PLEKHG4B: variants seen among roughly 807,000 people sequenced by gnomAD.
The protein encoded by PLEKHG4B is pleckstrin homology domain-containing family G member 4B.
Under a neutral mutation model 121.3 loss-of-function variants are expected in PLEKHG4B, and 111 were observed. The observed-to-expected ratio is 0.92, with a 90% CI of 0.78 to 1.07. The LOEUF is 1.07. PLEKHG4B is among the 50% of genes least tolerant of loss of function. The pLI is 0.00. For synonymous variants in PLEKHG4B, 738 were observed against 725.0 expected (o/e 1.02, Z -0.29); for missense variants, 1,831 against 1,757.8 (o/e 1.04, Z -0.74).
At chr5:141,827 A>G (rs1215366568) in intron 3 of PLEKHG4B, among the ~76,000 whole-genome samples, 1 of 150,518 alleles carries the variant, frequency 6.6e-6, no homozygotes, top group Non-Finnish European at 1.5e-5. Context: ...AAGTAGGGCC[A>G]CCCAACCTCG....
At chr5:155,166 G>A (rs917014902) in intron 8 of PLEKHG4B, among the ~76,000 whole-genome samples, 175 bp downstream of exon 8, 1 of 152,152 alleles carries the variant, frequency 6.6e-6, no homozygotes, top group African/African-American at 2.4e-5. Context: ...TGAGAATGCC[G>A]AGCCCGGGTG....
intron 2 of PLEKHG4B, among the ~76,000 whole-genome samples, chr5:138,375 C>T (rs1392809774): frequency 1.3e-5 from 2 of 152,182 alleles, no homozygotes; most frequent in East Asian, 3.8e-4. Context: ...AGTTGAGGAA[C>T]TTGTTTTCAC....
In PLEKHG4B at chr5:187,413, G is replaced by A. The variant is rs1183296524; in HGVS notation, c.*5090G>A. The A allele has an allele frequency of 6.6e-6, 1 of 152,538 alleles. No individual in the cohort carries two copies. Among genetic ancestry groups the A allele is most frequent in the African/African-American group, 2.4e-5 (1 of 41,430 alleles). The allele number at this position is 152,538 out of a possible 1,614,324, so 9.4% of individuals were successfully genotyped here. On this transcript the variant is annotated 3_prime_UTR_variant, in exon 20 of 20. Transcript: ENST00000637938. ...CCTCCTGGATGGCAGCAGCAGTGGAGGTTTGGGTTTTGAGGGAGCCCTAAG... is the reference window on the plus strand; with the variant it reads ...CCTCCTGGATGGCAGCAGCAGTGGAAGTTTGGGTTTTGAGGGAGCCCTAAG...
chr5:137,498 G>A lies in PLEKHG4B; in HGVS notation c.244-1985G>A, dbSNP rs548067639. 1.1e-4 allele frequency among the ~76,000 whole-genome samples: 16 copies of A among 152,192 alleles called. No individual in the cohort carries two copies. The highest frequency in any genetic ancestry group is 1.9e-4 in the East Asian group (1 of 5,178). ...CTGGGCTGTGCCACTGCCTTAACCC[G>A]GACCAGTTCCCTTCTACAGTGAAGA... is the stretch of plus-strand genomic sequence containing the variant. On this transcript the variant is annotated intron_variant, in intron 2 of 19. Coordinates refer to ENST00000637938, the MANE Select transcript of PLEKHG4B (RefSeq NM_052909.5). This position sits in a 1 kb window ranked among gnomAD's most constrained non-coding sequence, Gnocchi z 4.2.
At chr5:181,713 A>G (rs1274032733) in intron 19 of PLEKHG4B, 38 bp downstream of exon 19, 1 of 1,595,366 alleles carries the variant, frequency 6.3e-7, no homozygotes, top group East Asian at 2.2e-5. Flanking sequence ...CACCCTGCAG[A>G]GGGCACTGGG....
intron 2 of PLEKHG4B, among the ~76,000 whole-genome samples, chr5:138,164 A>T (rs1735040456): frequency 6.6e-6 from 1 of 152,202 alleles, no homozygotes; most frequent in Non-Finnish European, 1.5e-5. Flanking sequence ...ACCGGCAGCT[A>T]ATTGCTTCCC....
rs3810864 is a variant in PLEKHG4B at position 189,706 on chromosome 5, C to A, written c.*7383C>A. The A allele has an allele frequency of 0.61, 80,510 of 131,322 alleles. 23,601 individuals carry two copies. Among genetic ancestry groups the A allele is most frequent in the Non-Finnish European group, 0.69 (45,343 of 66,146 alleles). The allele number at this position is 131,322 out of a possible 1,614,324, so 8.1% of individuals were successfully genotyped here. The stretch of plus-strand genomic sequence containing the variant: ...CTCTAAAAGAAGGGAAAACAGTAAG[C>A]GAGAGGGAGGCTGCAGGGGCCCAGA... On this transcript the variant is annotated 3_prime_UTR_variant, in exon 20 of 20. Transcript: ENST00000637938.
At chr5:101,410 G>A (rs1733807255) in intron 1 of PLEKHG4B, among the ~76,000 whole-genome samples, 1 of 124,258 alleles carries the variant, frequency 8.0e-6, no homozygotes, top group South Asian at 2.4e-4. Context: ...AAGCCTGTAG[G>A]GGAGAGACTG....
At position 164,472 on chromosome 5, in the gene PLEKHG4B, CGGAGCAGAGCTCACACTAATG is replaced by C. The variant is rs1560944482; in HGVS notation, c.3476+925_3476+945del. On this transcript the variant is annotated intron_variant, in intron 13 of 19. Coordinates refer to ENST00000637938, the MANE Select transcript of PLEKHG4B (RefSeq NM_052909.5). ...GGCGGGGCTCACAGTAATGTTGTGA[CGGAGCAGAGCTCACACTAATG>C]CTCTGACAGGGGGCGGAGCTCACAC... Among the ~76,000 whole-genome samples, 10 of 121,494 alleles carry C rather than the reference CGGAGCAGAGCTCACACTAATG, an allele frequency of 8.2e-5. 1 individual carries two copies. The highest frequency in any genetic ancestry group is 1.6e-4 in the Admixed American group (2 of 12,820). 79.7% of individuals were successfully genotyped at this position (121,494 alleles called of 152,430 possible). A position where few individuals can be genotyped will look rare whatever the true frequency, so the allele number is the denominator to read the frequency against.
At chr5:173,853 T>A (rs1337551257) in intron 17 of PLEKHG4B, 65 bp from the exon 18 acceptor site, 10 of 1,556,256 alleles carry the variant, frequency 6.4e-6, no homozygotes, top group Non-Finnish European at 6.1e-6. Flanking sequence ...CTGAGGAATT[T>A]GGGTAGCCAG....
rs532686564 is a variant in PLEKHG4B at position 163,108 on chromosome 5, C to T, written c.3036C>T (p.Leu1012=). The change falls in exon 13 of 20, where the codon CTC becomes CTT. Residue 1012 remains leucine, a synonymous_variant. Transcript: ENST00000637938. Reference sequence around the variant, plus strand: ...AACCTGCGCAACCACTGTCCGGCCTCCCTGGACGAGCGCTTCTGTGTGGAC... The same window carrying T: ...AACCTGCGCAACCACTGTCCGGCCTTCCTGGACGAGCGCTTCTGTGTGGAC... ...AWEPAQPLSG[L]PGRALLCGQD... 6.4e-7 allele frequency: 1 copy of T among 1,565,020 alleles called. No individual in the cohort carries two copies. The highest frequency in any genetic ancestry group is 2.3e-5 in the East Asian group (1 of 42,874).
In PLEKHG4B at chr5:144,833, G is replaced by C; in HGVS notation, c.1818G>C (p.Glu606Asp). 1.2e-6 allele frequency: 2 copies of C among 1,613,166 alleles called. No individual in the cohort carries two copies. Among genetic ancestry groups the C allele is most frequent in the Non-Finnish European group, 1.7e-6 (2 of 1,179,706 alleles). The change falls in exon 6 of 20, where the codon GAG becomes GAC. Residue 606 changes from glutamate (E) to aspartate (D), a missense_variant. By Grantham distance (45) the Glu-to-Asp change is conservative. Coordinates refer to ENST00000637938, the MANE Select transcript of PLEKHG4B (RefSeq NM_052909.5). The part of the protein sequence containing the change: ...LLYFHSIPRK[E>D]VRDLGLVVLV... ...GCTGTCTTTCCCTCCCCAGGAAAGA[G>C]GTCCGGGACCTGGGGCTGGTTGTCC...
At chr5:162,316 T>A (rs1441820159) in intron 12 of PLEKHG4B, among the ~76,000 whole-genome samples, 2 of 151,758 alleles carry the variant, frequency 1.3e-5, no homozygotes, top group African/African-American at 4.9e-5. Context: ...CGCCGGGGAC[T>A]GCCTGCCATT....
In PLEKHG4B at chr5:188,793, G is replaced by A. The variant is rs766836398; in HGVS notation, c.*6470G>A. On this transcript the variant is annotated 3_prime_UTR_variant, in exon 20 of 20. Coordinates refer to ENST00000637938, the MANE Select transcript of PLEKHG4B (RefSeq NM_052909.5). ...AGGTGGCCTCGCAGAGGAGCCTCCC[G>A]AGCTTTGGAACCAGAGGCAGGCTCA... 1.3e-5 allele frequency: 2 copies of A among 152,236 alleles called. No individual in the cohort carries two copies. The highest frequency in any genetic ancestry group is 4.8e-5 in the African/African-American group (2 of 41,462). 9.4% of individuals were successfully genotyped at this position (152,236 alleles called of 1,614,324 possible).
In PLEKHG4B at chr5:135,683, ATATATATATATATATATATAT is replaced by A. The variant is rs1281464305; in HGVS notation, c.244-3799_244-3779del. 1.6e-3 allele frequency among the ~76,000 whole-genome samples: 26 copies of A among 16,122 alleles called. 1 individual carries two copies. The highest frequency in any genetic ancestry group is 2.5e-3 in the South Asian group (1 of 402). The allele number at this position is 16,122 out of a possible 152,430, so 10.6% of individuals were successfully genotyped here. A position where few individuals can be genotyped will look rare whatever the true frequency, so the allele number is the denominator to read the frequency against. On this transcript the variant is annotated intron_variant, in intron 2 of 19. Transcript: ENST00000637938. ...TCCATCTCAAAAAAAAAAAAAAAAA[ATATATATATATATATATATAT>A]ATATATATATATATATATATATATG...
chr5:182,401 G>A lies in PLEKHG4B; in HGVS notation c.*78G>A. 7.0e-7 allele frequency: 1 copy of A among 1,434,992 alleles called. No homozygotes were observed. Among genetic ancestry groups the A allele is most frequent in the South Asian group, 1.3e-5 (1 of 75,734 alleles). 88.9% of individuals were successfully genotyped at this position (1,434,992 alleles called of 1,614,324 possible). On this transcript the variant is annotated 3_prime_UTR_variant, in exon 20 of 20. Coordinates refer to ENST00000637938, the MANE Select transcript of PLEKHG4B (RefSeq NM_052909.5). ...CAGCACGCCAGGCCTGATGACTCTG[G>A]GGGTGGCGGTGCCCATCGCGTGGCT...
chr5:128,490 G>A (rs919715464), intron 2 of PLEKHG4B, among the ~76,000 whole-genome samples: 1 of 152,164 alleles, frequency 6.6e-6, no homozygotes, highest in African/African-American at 2.4e-5. Context: ...GTATTTGGAT[G>A]ACAGGGGTTT....
At chr5:161,971 C>T (rs1434737581) in intron 12 of PLEKHG4B, 27 bp downstream of exon 12, 1 of 1,585,528 alleles carries the variant, frequency 6.3e-7, no homozygotes, top group Non-Finnish European at 8.6e-7. Flanking sequence ...GCGTGCGTCC[C>T]AGGGATCCCG....
intron 1 of PLEKHG4B, among the ~76,000 whole-genome samples, chr5:106,090 T>C (rs1027422645): frequency 1.3e-5 from 2 of 152,216 alleles, no homozygotes. Context: ...TACTTCCAGC[T>C]AAGGTCATAT....
Sources: allele counts gnomAD v4.1 joint callset (sites outside exome capture counted in the v4.1 genomes callset), GRCh38; gene constraint gnomAD v4.1.1; non-coding constraint Gnocchi (gnomAD v3.1); transcripts MANE v1.5; gene names NCBI Gene and HGNC (gene_info 2026-07-23, HGNC 2026-07-21).